Variants in KRABD3 observed in about 807,000 individuals in gnomAD.
KRABD3 encodes the protein KRAB domain-containing protein 3.
At chr7:149,729,222 C>T in the KRABD3 span, 676 of 1,580,782 alleles carry the variant, frequency 4.3e-4, 8 homozygotes, top group Non-Finnish European at 1.9e-4. Context: ...CAGCCCGTCT[C>T]GGGCAGGGTA....
the KRABD3 span, chr7:149,721,543 T>A: frequency 6.2e-7 from 1 of 1,610,420 alleles, no homozygotes; most frequent in African/African-American, 1.3e-5. Flanking sequence ...TCAGTGAGTC[T>A]GACACAGCAG....
the KRABD3 span, chr7:149,721,531 C>A: frequency 6.2e-7 from 1 of 1,611,368 alleles, no homozygotes; most frequent in Non-Finnish European, 8.5e-7. Context: ...GTCCTCTCCC[C>A]ATCAGTGAGT....
At chr7:149,729,036 G>T in the KRABD3 span, among the ~76,000 whole-genome samples, 34 of 152,340 alleles carry the variant, frequency 2.2e-4, no homozygotes, top group South Asian at 6.6e-3. Flanking sequence ...GGGTTCAGGC[G>T]CTCCCTGGAA....
chr7:149,733,864 C>A, the KRABD3 span: 1 of 1,594,994 alleles, frequency 6.3e-7, no homozygotes. Context: ...CTGCCTTACC[C>A]CTGCAGGGAG....
At chr7:149,732,338 C>T in the KRABD3 span, among the ~76,000 whole-genome samples, 4 of 152,302 alleles carry the variant, frequency 2.6e-5, no homozygotes, top group Non-Finnish European at 2.9e-5. This position sits in a 1 kb window ranked among gnomAD's most constrained non-coding sequence, Gnocchi z 4.0. Flanking sequence ...GTCTCCAGGC[C>T]GAGATCCTTA....
the KRABD3 span, among the ~76,000 whole-genome samples, chr7:149,726,668 C>T: frequency 1.3e-5 from 2 of 152,006 alleles, no homozygotes; most frequent in African/African-American, 4.8e-5. Context: ...GAACTCCTGA[C>T]CACAGGCAAT....
At chr7:149,733,587 AG>A in the KRABD3 span, 1 of 1,598,874 alleles carries the variant, frequency 6.3e-7, no homozygotes, top group Non-Finnish European at 8.5e-7. Flanking sequence ...TGGAGGCAGA[AG>A]GGACCCACGA....
chr7:149,722,803 C>T, the KRABD3 span: 1 of 1,608,484 alleles, frequency 6.2e-7, no homozygotes, highest in South Asian at 1.1e-5. Context: ...TGGGAACAGC[C>T]CCTTGCAAGG....
At chr7:149,722,685 G>A in the KRABD3 span, 2 of 1,501,512 alleles carry the variant, frequency 1.3e-6, no homozygotes, top group South Asian at 1.3e-5. Flanking sequence ...ATTCTCACGG[G>A]TGGGAATCTC....
At chr7:149,720,133 T>C in the KRABD3 span, 1 of 1,551,324 alleles carries the variant, frequency 6.4e-7, no homozygotes, top group Middle Eastern at 1.7e-4. Flanking sequence ...CCAGGGTAAG[T>C]TATCTGTCAG....
chr7:149,727,173 G>T, the KRABD3 span, among the ~76,000 whole-genome samples: 1 of 152,088 alleles, frequency 6.6e-6, no homozygotes, highest in African/African-American at 2.4e-5. Flanking sequence ...GAGTCCTCTT[G>T]GTCTGTGTTG....
the KRABD3 span, chr7:149,729,763 T>C: frequency 2.2e-4 from 212 of 985,340 alleles, 1 homozygote; most frequent in African/African-American, 3.5e-3. Flanking sequence ...CAGACGAGGA[T>C]GGGCCCTAAC....
the KRABD3 span, chr7:149,724,742 G>GC: frequency 1.3e-6 from 2 of 1,557,264 alleles, no homozygotes. Flanking sequence ...TGGGTCCAGA[G>GC]CCCCCCAGGA....
At chr7:149,723,823 A>G in the KRABD3 span, 1 of 1,613,942 alleles carries the variant, frequency 6.2e-7, no homozygotes, top group Non-Finnish European at 8.5e-7. Context: ...CAGGCATCCC[A>G]GTCCCTCAGG....
At chr7:149,719,781 A>T in the KRABD3 span, 103 of 1,354,814 alleles carry the variant, frequency 7.6e-5, no homozygotes, top group Non-Finnish European at 9.7e-5. This position sits in a 1 kb window ranked among gnomAD's most constrained non-coding sequence, Gnocchi z 5.6. Context: ...AGAAATGAAC[A>T]CGGGGATCGT....
the KRABD3 span, chr7:149,733,523 C>T: frequency 1.9e-6 from 3 of 1,594,012 alleles, no homozygotes; most frequent in African/African-American, 2.7e-5. Flanking sequence ...GATGTGGACC[C>T]TCCCACGGGG....
At chr7:149,715,389 G>A in the KRABD3 span, 1 of 1,128,220 alleles carries the variant, frequency 8.9e-7, no homozygotes, top group Non-Finnish European at 1.1e-6. Flanking sequence ...TGGAATCCTG[G>A]ATCCCGGGGG....
the KRABD3 span, chr7:149,734,071 G>T: frequency 1.9e-6 from 3 of 1,571,512 alleles, no homozygotes; most frequent in Middle Eastern, 2.3e-4. Flanking sequence ...CTCCACATCT[G>T]CTCGTTCTTG....
the KRABD3 span, chr7:149,722,584 C>T: frequency 4.0e-4 from 638 of 1,576,564 alleles, 4 homozygotes; most frequent in African/African-American, 7.1e-3. Flanking sequence ...AGTGGGGTAG[C>T]GATGGGGAAG....
Sources: allele counts gnomAD v4.1 joint callset (sites outside exome capture counted in the v4.1 genomes callset), GRCh38; gene constraint gnomAD v4.1.1; non-coding constraint Gnocchi (gnomAD v3.1); transcripts MANE v1.5; gene names NCBI Gene and HGNC (gene_info 2026-07-23, HGNC 2026-07-21).